The following CLCN6 variants were observed in gnomAD, a reference collection of about 807,000 sequenced individuals.
The protein encoded by CLCN6 is Cl-/H+ antiporter 6.
CLCN6 carries 70 observed loss-of-function variants against 109.8 expected under a neutral mutation model. The ratio of observed to expected loss-of-function variants is 0.64; its 90% CI spans 0.53 to 0.78. The LOEUF is 0.78. CLCN6 is among the 30% of genes least tolerant of loss of function. CLCN6 has a pLI of 0.00. For synonymous variants in CLCN6, 444 were observed against 447.8 expected (o/e 0.99, Z 0.11); for missense variants, 984 against 1,142.3 (o/e 0.86, Z 2.00).
At chr1:11,811,672 G>A (rs1290424442) in intron 2 of CLCN6, among the ~76,000 whole-genome samples, 3 of 152,144 alleles carry the variant, frequency 2.0e-5, no homozygotes, top group African/African-American at 7.2e-5. Context: ...GTGAGCCACT[G>A]CGCCCAGCTA....
chr1:11,813,012 A>G (rs1644622100), intron 2 of CLCN6, among the ~76,000 whole-genome samples: 1 of 152,216 alleles, frequency 6.6e-6, no homozygotes, highest in Non-Finnish European at 1.5e-5. Context: ...TACAATTTCC[A>G]AAGAGAATCA....
At position 11,830,762 on chromosome 1, in the gene CLCN6, T is replaced by C. The variant is rs1284167217; in HGVS notation, c.1248+1440T>C. ...TTATATATATATATATATATATATATATACACACACACACTATATATACAC... is the reference window on the plus strand; with the variant it reads ...TTATATATATATATATATATATATACATACACACACACACTATATATACAC... On this transcript the variant is annotated intron_variant, in intron 13 of 22. Coordinates refer to ENST00000346436, the MANE Select transcript of CLCN6 (RefSeq NM_001286.5). 6.7e-4 allele frequency among the ~76,000 whole-genome samples: 91 copies of C among 134,870 alleles called. 3 individuals are homozygous for C. Among genetic ancestry groups the C allele is most frequent in the African/African-American group, 1.8e-3 (59 of 31,962 alleles). 88.5% of individuals were successfully genotyped at this position (134,870 alleles called of 152,430 possible).
At chr1:11,814,818 G>A (rs1428995312) in intron 2 of CLCN6, among the ~76,000 whole-genome samples, 1 of 151,968 alleles carries the variant, frequency 6.6e-6, no homozygotes, top group Non-Finnish European at 1.5e-5. Context: ...GGATCACGAG[G>A]TCAGGAGATC....
intron 9 of CLCN6, 46 bp downstream of exon 9, chr1:11,826,260 T>G: frequency 6.8e-7 from 1 of 1,476,202 alleles, no homozygotes; most frequent in Non-Finnish European, 9.5e-7. Context: ...AACAACATGT[T>G]CATGCGCTGC....
rs1188570496 is a variant in CLCN6, at chr1:11,834,070, G to A, written c.1526+40G>A. ...TGCGTGTGTGTGCGCATGTGCATGT[G>A]TGTGCACGTGTGCGTGTGTATGCAT... is the stretch of plus-strand genomic sequence containing the variant. On this transcript the variant is annotated intron_variant, in intron 15 of 22. Coordinates refer to ENST00000346436, the MANE Select transcript of CLCN6 (RefSeq NM_001286.5). The surrounding 1 kb of genome is among the most constrained non-coding windows in gnomAD (Gnocchi z 4.5). 1 of 1,604,698 alleles carries A rather than the reference G, an allele frequency of 6.2e-7. No homozygotes were observed. Among genetic ancestry groups the A allele is most frequent in the Non-Finnish European group, 8.5e-7 (1 of 1,174,662 alleles).
intron 2 of CLCN6, among the ~76,000 whole-genome samples, chr1:11,808,284 C>T (rs1373331422): frequency 2.0e-5 from 3 of 149,078 alleles, no homozygotes; most frequent in East Asian, 2.0e-4. Context: ...AAAGTAAAGA[C>T]AGTCTCCCTA....
chr1:11,815,927 C>G lies in CLCN6; in HGVS notation c.213+16C>G. 1 of 1,588,736 alleles carries G rather than the reference C, an allele frequency of 6.3e-7. No homozygotes were observed. The highest frequency in any genetic ancestry group is 1.1e-5 in the South Asian group (1 of 90,572). On this transcript the variant is annotated intron_variant, in intron 3 of 22. Coordinates refer to ENST00000346436, the MANE Select transcript of CLCN6 (RefSeq NM_001286.5). ...GGATAATAAGGTGGGTCTTACAATT[C>G]TTCATCTCTGGGGATCAAATCAGTC...
chr1:11,839,316 C>T (rs1644990393), intron 22 of CLCN6, among the ~76,000 whole-genome samples: 1 of 152,210 alleles, frequency 6.6e-6, no homozygotes, highest in Non-Finnish European at 1.5e-5. Flanking sequence ...GGCTGGAGTG[C>T]AGTGGCAAGA....
intron 2 of CLCN6, among the ~76,000 whole-genome samples, chr1:11,808,179 A>G (rs1327404412): frequency 5.4e-5 from 8 of 147,356 alleles, no homozygotes; most frequent in Non-Finnish European, 6.0e-5. Context: ...TTCGTTATCC[A>G]CTTCTCCTTT....
intron 2 of CLCN6, among the ~76,000 whole-genome samples, chr1:11,808,921 C>T (rs1250488007): frequency 1.3e-5 from 2 of 151,738 alleles, no homozygotes; most frequent in East Asian, 1.9e-4. Flanking sequence ...TGCAATGGCT[C>T]GATCTCAGCT....
At position 11,828,464 on chromosome 1, in the gene CLCN6, G is replaced by A. The variant is rs775875902; in HGVS notation, c.961G>A (p.Asp321Asn). Residue 321 changes from aspartate (D) to asparagine (N), a missense_variant, in exon 12 of 23, where the codon GAC becomes AAC. Transcript: ENST00000346436. ...CCCTTTCCCCTTCTCTCAGTGCTCT[G>A]ACTCTGATAAAAAATGTCATCTCTG... Reference protein sequence around the residue: ...LLNFGEFKCSDSDKKCHLWTA... With the variant: ...LLNFGEFKCSNSDKKCHLWTA... 3 of 1,614,022 alleles carry A rather than the reference G, an allele frequency of 1.9e-6. No homozygotes were observed. The highest frequency in any genetic ancestry group is 2.5e-6 in the Non-Finnish European group (3 of 1,180,008).
In CLCN6 at chr1:11,840,629, C is replaced by A; in HGVS notation, c.*406C>A. 3.6e-6 allele frequency: 1 copy of A among 278,644 alleles called. No homozygotes were observed. The highest frequency in any genetic ancestry group is 7.1e-6 in the Non-Finnish European group (1 of 139,992). The allele number at this position is 278,644 out of a possible 1,614,324, so 17.3% of individuals were successfully genotyped here. A position where few individuals can be genotyped will look rare whatever the true frequency, so the allele number is the denominator to read the frequency against. ...CCTTAAATGTGTGAGAGGGACTTGG[C>A]CAAGGCAAAAGCTGGGGAGATGCCA... On this transcript the variant is annotated 3_prime_UTR_variant, in exon 23 of 23. Coordinates refer to ENST00000346436, the MANE Select transcript of CLCN6 (RefSeq NM_001286.5).
rs757074997 is a variant in CLCN6 at position 11,829,271 on chromosome 1, C to T, written c.1197C>T (p.Cys399=). 3.7e-5 allele frequency: 59 copies of T among 1,614,014 alleles called. No homozygotes were observed. The Admixed American group carries it at 9.7e-4, about 26-fold the overall frequency. Residue 399 remains cysteine (C), a synonymous_variant, in exon 13 of 23, where the codon TGC becomes TGT. Coordinates refer to ENST00000346436, the MANE Select transcript of CLCN6 (RefSeq NM_001286.5). ...VFVASMVLGE[C]RQMSSSSQIG... Reference sequence around the variant, plus strand: ...TGGCCTCGATGGTGTTAGGAGAATGCCGACAGATGTCCTCTTCGAGTCAAA... The same window carrying T: ...TGGCCTCGATGGTGTTAGGAGAATGTCGACAGATGTCCTCTTCGAGTCAAA...
At chr1:11,826,269 G>A in intron 9 of CLCN6, 55 bp downstream of exon 9, 13 of 1,410,588 alleles carry the variant, frequency 9.2e-6, no homozygotes, top group Non-Finnish European at 1.3e-5. Flanking sequence ...TTCATGCGCT[G>A]CGGGTCAGAC....
intron 1 of CLCN6, chr1:11,806,641 T>G: frequency 2.3e-6 from 1 of 425,758 alleles, no homozygotes; most frequent in Non-Finnish European, 4.1e-6. Context: ...ACAAGCGTTT[T>G]CAGAATGAGC....
At chr1:11,820,832 T>C (rs1644731670) in intron 5 of CLCN6, 2 of 154,452 alleles carry the variant, frequency 1.3e-5, no homozygotes, top group African/African-American at 2.4e-5. Context: ...CTCAGGACTT[T>C]GGGAGGCCGA....
chr1:11,816,492 A>C lies in CLCN6; in HGVS notation c.214-123A>C, dbSNP rs1644674035. The C allele has an allele frequency of 3.4e-6, 3 of 871,000 alleles. No homozygotes were observed. In the Admixed American group the frequency reaches 6.6e-5, roughly 19 times the overall value. 54.0% of individuals were successfully genotyped at this position (871,000 alleles called of 1,614,324 possible). On this transcript the variant is annotated intron_variant, in intron 3 of 22. Transcript: ENST00000346436. Reference sequence around the variant, plus strand: ...ACTGTAAAGCACCTGAAATCCCAACATCATCTTTACTGTGCCTGCTCTCCA... The same window carrying C: ...ACTGTAAAGCACCTGAAATCCCAACCTCATCTTTACTGTGCCTGCTCTCCA...
Position 11,829,333 on chromosome 1 carries a change from T to C in CLCN6, c.1248+11T>C, listed in dbSNP as rs774165996. 1.9e-6 allele frequency: 3 copies of C among 1,614,018 alleles called. No individual in the cohort carries two copies. The highest frequency in any genetic ancestry group is 2.2e-5 in the South Asian group (2 of 91,078). ...TCATTCCAGCTCCAGGTAACCCCAG[T>C]GCACCTGCTACCTTTATCCCATACC... On this transcript the variant is annotated intron_variant, in intron 13 of 22. Coordinates refer to ENST00000346436, the MANE Select transcript of CLCN6 (RefSeq NM_001286.5).
rs766442356 is a variant in CLCN6 at position 11,838,529 on chromosome 1, T to C, written c.2404-6T>C. 2 of 1,607,456 alleles carry C rather than the reference T, an allele frequency of 1.2e-6. No homozygotes were observed. Among genetic ancestry groups the C allele is most frequent in the Non-Finnish European group, 1.7e-6 (2 of 1,174,510 alleles). On this transcript the variant is annotated splice_polypyrimidine_tract_variant and splice_region_variant and intron_variant, in intron 21 of 22. Coordinates refer to ENST00000346436, the MANE Select transcript of CLCN6 (RefSeq NM_001286.5). ...AGGCAGTCAGTGACACGTGGTCTCT[T>C]TGCAGGATGTCACCCCATACATGAA... is the stretch of plus-strand genomic sequence containing the variant.
Sources: allele counts gnomAD v4.1 joint callset (sites outside exome capture counted in the v4.1 genomes callset), GRCh38; gene constraint gnomAD v4.1.1; non-coding constraint Gnocchi (gnomAD v3.1); transcripts MANE v1.5; gene names NCBI Gene and HGNC (gene_info 2026-07-23, HGNC 2026-07-21).